Variants in ASTN2 observed in about 807,000 individuals in gnomAD.
The protein encoded by ASTN2 is astrotactin 2.
A neutral mutation model predicts 139.8 loss-of-function variants in ASTN2; 54 were observed. The observed-to-expected ratio is 0.39, with a 90% CI of 0.31 to 0.48. The LOEUF (loss-of-function observed/expected upper bound fraction) is 0.48, where lower values mean the gene tolerates loss of function less well. Ranked by LOEUF, ASTN2 falls within the 20% of genes least tolerant of loss-of-function variation. The pLI is 0.95. For missense variants in ASTN2, 1,565 were observed against 1,725.1 expected, an observed-to-expected ratio of 0.91 and a Z score of 1.64; for synonymous variants, 756 against 719.5, an observed-to-expected ratio of 1.05 and a Z score of -0.81.
chr9:116,764,564 A>G (rs1345379665), intron 13 of ASTN2, among the ~76,000 whole-genome samples: 3 of 152,226 alleles, frequency 2.0e-5, no homozygotes, highest in Admixed American at 2.0e-4. Context: ...ACAGTTACTC[A>G]GTGATGAAAC....
intron 10 of ASTN2, among the ~76,000 whole-genome samples, chr9:116,927,874 T>C (rs1834798579): frequency 6.6e-6 from 1 of 152,230 alleles, no homozygotes; most frequent in East Asian, 1.9e-4. Flanking sequence ...TGCATAAAAC[T>C]GGTTGTCAAT....
At chr9:117,331,375 G>T (rs1828701757) in intron 1 of ASTN2, among the ~76,000 whole-genome samples, 1 of 152,120 alleles carries the variant, frequency 6.6e-6, no homozygotes, top group African/African-American at 2.4e-5. Context: ...TTTGGAAAGG[G>T]ACTCAGTTGT....
At chr9:117,385,544 G>C (rs1418906478) in intron 1 of ASTN2, among the ~76,000 whole-genome samples, 1 of 152,018 alleles carries the variant, frequency 6.6e-6, no homozygotes, top group African/African-American at 2.4e-5. Flanking sequence ...TCAGGCAAGG[G>C]ATGAGTACAG....
chr9:117,405,496 T>C (rs1830958071), intron 1 of ASTN2, among the ~76,000 whole-genome samples: 1 of 152,164 alleles, frequency 6.6e-6, no homozygotes, highest in African/African-American at 2.4e-5. Context: ...TCATAGCCTA[T>C]CCTATGTAGG....
intron 22 of ASTN2, chr9:116,437,620 G>A (rs1298652034): frequency 2.1e-6 from 1 of 469,894 alleles, no homozygotes; most frequent in Non-Finnish European, 4.4e-6. Context: ...AAGTGGAGCT[G>A]TGGTTTAGCT....
In ASTN2 at chr9:116,651,806, A is replaced by C. The variant is rs368980309; in HGVS notation, c.2807-13T>G. The C allele has an allele frequency of 6.2e-7, 1 of 1,608,538 alleles. No individual in the cohort carries two copies. Among genetic ancestry groups the C allele is most frequent in the Admixed American group, 1.7e-5 (1 of 59,912 alleles). ...AGCTCTGTGGTCTCTGGAGAGGCAC[A>C]AGACAGGAAGAGCGAAAGGTAAACT... On this transcript the variant is annotated splice_polypyrimidine_tract_variant and intron_variant, in intron 16 of 22. Coordinates refer to ENST00000313400, the MANE Select transcript of ASTN2 (RefSeq NM_001365068.1).
chr9:117,313,515 C>A (rs186347003), intron 1 of ASTN2, among the ~76,000 whole-genome samples: 1 of 152,102 alleles, frequency 6.6e-6, no homozygotes, highest in Admixed American at 6.6e-5. Context: ...TAAGAAGCAA[C>A]CATAGGCAGT....
At chr9:117,307,119 G>A (rs1351783473) in intron 1 of ASTN2, among the ~76,000 whole-genome samples, 1 of 152,110 alleles carries the variant, frequency 6.6e-6, no homozygotes, top group Non-Finnish European at 1.5e-5. Context: ...TGTTCAACCG[G>A]GGGAACACAC....
intron 19 of ASTN2, among the ~76,000 whole-genome samples, chr9:116,572,044 C>T (rs1051271568): frequency 8.5e-5 from 13 of 152,138 alleles, no homozygotes; most frequent in Non-Finnish European, 2.9e-5. Flanking sequence ...CCCCTGGCTG[C>T]ATGCTGTGTC....
chr9:116,694,105 G>A (rs1459852754), intron 16 of ASTN2, among the ~76,000 whole-genome samples: 1 of 152,210 alleles, frequency 6.6e-6, no homozygotes, highest in Non-Finnish European at 1.5e-5. Flanking sequence ...AGAGCTTGGT[G>A]AAGCTGTAGT....
intron 20 of ASTN2, among the ~76,000 whole-genome samples, chr9:116,486,795 G>A (rs972661214): frequency 6.6e-6 from 1 of 152,140 alleles, no homozygotes; most frequent in Non-Finnish European, 1.5e-5. Flanking sequence ...ACTGCCTCTT[G>A]CATCTCCAGA....
chr9:117,192,964 G>A lies in ASTN2; in HGVS notation c.1015+21394C>T, dbSNP rs149204972. 4.2e-3 allele frequency among the ~76,000 whole-genome samples: 644 copies of A among 152,268 alleles called. 5 individuals carry two copies. In the Middle Eastern group the frequency reaches 0.062, roughly 15 times the overall value. ...TGTATAAAATAAAGCAGCTATTACC[G>A]TTTTATACCCTTCTTAACTGTGACC... On this transcript the variant is annotated intron_variant, in intron 3 of 22. Coordinates refer to ENST00000313400, the MANE Select transcript of ASTN2 (RefSeq NM_001365068.1).
intron 1 of ASTN2, among the ~76,000 whole-genome samples, chr9:117,345,035 T>G (rs982999714): frequency 2.6e-5 from 4 of 152,126 alleles, no homozygotes; most frequent in Non-Finnish European, 5.9e-5. Context: ...CCCAGGAATC[T>G]AAGGAAGCCA....
At chr9:116,800,360 G>C (rs1014967874) in intron 13 of ASTN2, among the ~76,000 whole-genome samples, 3 of 152,018 alleles carry the variant, frequency 2.0e-5, no homozygotes, top group African/African-American at 7.2e-5. Flanking sequence ...TGTCACTCTT[G>C]CCCTGTCTTT....
At position 117,033,782 on chromosome 9, in the gene ASTN2, C is replaced by T. The variant is rs1439723791; in HGVS notation, c.1423+6037G>A. Among the ~76,000 whole-genome samples, 4 of 152,042 alleles carry T rather than the reference C, an allele frequency of 2.6e-5. No homozygotes were observed. The South Asian group carries it at 8.3e-4, about 32-fold the overall frequency. ...CATCTATGTGTTAATCTCGTAAAACCACCTAGCATCCCTGAGCCCCACTTT... is the reference window on the plus strand; with the variant it reads ...CATCTATGTGTTAATCTCGTAAAACTACCTAGCATCCCTGAGCCCCACTTT... On this transcript the variant is annotated intron_variant, in intron 6 of 22. Transcript: ENST00000313400.
chr9:117,138,292 T>C (rs1401365260), intron 4 of ASTN2, among the ~76,000 whole-genome samples: 2 of 152,092 alleles, frequency 1.3e-5, no homozygotes, highest in Non-Finnish European at 2.9e-5. Flanking sequence ...AGTTGGTTTT[T>C]AGGAGCTGAC....
intron 5 of ASTN2, among the ~76,000 whole-genome samples, chr9:117,054,225 C>T (rs1273698645): frequency 6.6e-6 from 1 of 152,096 alleles, no homozygotes; most frequent in Non-Finnish European, 1.5e-5. Context: ...CACTTTCTGT[C>T]TTGGTTTTTA....
intron 19 of ASTN2, among the ~76,000 whole-genome samples, chr9:116,496,376 A>T (rs990616090): frequency 1.3e-5 from 2 of 152,210 alleles, no homozygotes; most frequent in African/African-American, 4.8e-5. Context: ...TTCCCTGGAA[A>T]GCAGAGCTTA....
chr9:116,915,244 C>A (rs766246486), intron 10 of ASTN2, among the ~76,000 whole-genome samples: 1 of 152,218 alleles, frequency 6.6e-6, no homozygotes, highest in Non-Finnish European at 1.5e-5. Context: ...CCAAAAAGTT[C>A]TCATGGCCAT....
Sources: gnomAD v4.1 joint callset for allele counts (sites outside exome capture counted in the v4.1 genomes callset) on GRCh38, gnomAD v4.1.1 for gene constraint, MANE v1.5 for transcripts, NCBI Gene and HGNC (gene_info 2026-07-23, HGNC 2026-07-21) for gene names.